The following WASHC5 variants were observed in gnomAD, a reference collection of about 807,000 sequenced individuals.
The protein encoded by WASHC5 is WASH complex subunit strumpellin.
A neutral mutation model predicts 150.4 loss-of-function variants in WASHC5; 101 were observed. The ratio of observed to expected loss-of-function variants is 0.67; its 90% CI spans 0.57 to 0.79. The LOEUF is 0.79. Among genes scored for constraint, WASHC5 ranks in the 30% least tolerant of loss-of-function variants. WASHC5 has a pLI of 0.00. For synonymous variants in WASHC5, 467 were observed against 491.2 expected, an observed-to-expected ratio of 0.95 and a Z score of 0.65; for missense variants, 1,195 against 1,396.3, an observed-to-expected ratio of 0.86 and a Z score of 2.30.
At chr8:125,049,834 T>C (rs747681509) in intron 18 of WASHC5, among the ~76,000 whole-genome samples, 2 of 151,944 alleles carry the variant, frequency 1.3e-5, no homozygotes, top group Non-Finnish European at 2.9e-5. Context: ...GAGCAAGACT[T>C]TGTCTCAATC....
At chr8:125,061,379 T>A (rs571518213) in intron 11 of WASHC5, among the ~76,000 whole-genome samples, 185 bp from the exon 12 acceptor site, 1 of 152,312 alleles carries the variant, frequency 6.6e-6, no homozygotes, top group East Asian at 1.9e-4. Flanking sequence ...ACTTTCTACA[T>A]AAATAGCTTA....
At chr8:125,083,291 A>G (rs1208249853) in intron 2 of WASHC5, 33 bp from the exon 3 acceptor site, 1 of 1,601,984 alleles carries the variant, frequency 6.2e-7, no homozygotes, top group South Asian at 1.1e-5. Context: ...AAATGTCAAT[A>G]AAAGCATACT....
intron 3 of WASHC5, chr8:125,082,885 C>G: frequency 4.6e-6 from 2 of 436,126 alleles, no homozygotes; most frequent in Non-Finnish European, 8.1e-6. Flanking sequence ...AACTATATGA[C>G]TTAGTTAAAC....
intron 5 of WASHC5, among the ~76,000 whole-genome samples, chr8:125,080,471 T>C (rs918520460): frequency 1.3e-5 from 2 of 152,046 alleles, no homozygotes; most frequent in Non-Finnish European, 2.9e-5. Flanking sequence ...ACTAATTTGC[T>C]GCTGAGGACA....
chr8:125,067,763 A>G, intron 9 of WASHC5, 44 bp from the exon 10 acceptor site: 5 of 1,591,502 alleles, frequency 3.1e-6, no homozygotes, highest in Non-Finnish European at 4.3e-6. Context: ...ATGTGTAGAA[A>G]ATATCTATGA....
intron 5 of WASHC5, 143 bp downstream of exon 5, chr8:125,081,518 C>T (rs1040584810): frequency 4.2e-5 from 28 of 669,680 alleles, no homozygotes; most frequent in Admixed American, 1.0e-4. Context: ...GGATTACAGG[C>T]GTTAGCCACT....
At chr8:125,078,668 G>T in intron 6 of WASHC5, 70 bp downstream of exon 6, 1 of 1,238,078 alleles carries the variant, frequency 8.1e-7, no homozygotes, top group Non-Finnish European at 1.2e-6. Flanking sequence ...AAGGAAAGGA[G>T]TAATTAAAGA....
intron 25 of WASHC5, among the ~76,000 whole-genome samples, chr8:125,038,012 C>T (rs1815767593): frequency 1.3e-5 from 2 of 152,092 alleles, no homozygotes; most frequent in Admixed American, 6.5e-5. Flanking sequence ...TAGCTGGCCT[C>T]TCTGAGCCTC....
At chr8:125,026,671 A>T (rs1815386966) in intron 28 of WASHC5, among the ~76,000 whole-genome samples, 1 of 151,998 alleles carries the variant, frequency 6.6e-6, no homozygotes, top group African/African-American at 2.4e-5. Context: ...TTCTCTCTTA[A>T]TTTGAGATGC....
At chr8:125,036,227 A>G (rs1350116799) in intron 26 of WASHC5, among the ~76,000 whole-genome samples, 1 of 152,210 alleles carries the variant, frequency 6.6e-6, no homozygotes, top group African/African-American at 2.4e-5. Flanking sequence ...CATCCTGTTG[A>G]AAGAACAGAA....
Position 125,061,071 on chromosome 8 carries a change from C to T in WASHC5, c.1521+11G>A, listed in dbSNP as rs1563623945. The T allele has an allele frequency of 4.0e-6, 6 of 1,499,734 alleles. No individual in the cohort carries two copies. Among genetic ancestry groups the T allele is most frequent in the East Asian group, 2.3e-5 (1 of 44,266 alleles). The allele number at this position is 1,499,734 out of a possible 1,614,324, so 92.9% of individuals were successfully genotyped here. A position where few individuals can be genotyped will look rare whatever the true frequency, so the allele number is the denominator to read the frequency against. On this transcript the variant is annotated intron_variant, in intron 12 of 28. Coordinates refer to ENST00000318410, the MANE Select transcript of WASHC5 (RefSeq NM_014846.4). ...GATCCAAGAACCTGCATTTAAAAAG[C>T]GTTTCCTTACCTCTTCCAAAGCTTG...
At chr8:125,032,875 A>G (rs1394590502) in intron 26 of WASHC5, among the ~76,000 whole-genome samples, 1 of 151,570 alleles carries the variant, frequency 6.6e-6, no homozygotes, top group African/African-American at 2.4e-5. Context: ...AGAGTGGAAG[A>G]AGGATATTTA....
intron 17 of WASHC5, among the ~76,000 whole-genome samples, chr8:125,055,068 C>T (rs79254923): frequency 0.029 from 4,410 of 152,086 alleles, 128 homozygotes; most frequent in South Asian, 0.16. Context: ...AAAGAAATTC[C>T]CACTACCTTC....
At chr8:125,034,504 G>GA (rs1163509166) in intron 26 of WASHC5, among the ~76,000 whole-genome samples, 106 of 146,078 alleles carry the variant, frequency 7.3e-4, no homozygotes, top group African/African-American at 2.0e-3. Context: ...CTCTGTTTCA[G>GA]AAAAAAAAAA....
At chr8:125,080,969 T>C (rs1034785681) in intron 5 of WASHC5, among the ~76,000 whole-genome samples, 1 of 152,168 alleles carries the variant, frequency 6.6e-6, no homozygotes, top group African/African-American at 2.4e-5. Context: ...AGGAGTAATA[T>C]TTGAAAACTT....
intron 9 of WASHC5, among the ~76,000 whole-genome samples, chr8:125,071,481 A>T (rs761798959): frequency 6.6e-6 from 1 of 152,282 alleles, no homozygotes; most frequent in South Asian, 2.1e-4. Context: ...CAGTGGGCCC[A>T]TATGTTTTTC....
chr8:125,079,135 T>TATATATACATATAC (rs35442808), intron 5 of WASHC5, among the ~76,000 whole-genome samples: 1 of 117,492 alleles, frequency 8.5e-6, no homozygotes, highest in African/African-American at 3.8e-5. Flanking sequence ...TATATATATA[T>TATATATACATATAC]ATATACATTT....
rs1320625975 is a variant in WASHC5 at position 125,025,829 on chromosome 8, G to GACACACACACACACACACAC, written c.3424-1157_3424-1156insGTGTGTGTGTGTGTGTGTGT. On this transcript the variant is annotated intron_variant, in intron 28 of 28. Transcript: ENST00000318410. ...TTTTTCCAGTTTACTTACATATGCAGACAGACACACACACACACACACACA... is the reference window on the plus strand; with the variant it reads ...TTTTTCCAGTTTACTTACATATGCAGACACACACACACACACACACACAGACACACACACACACACACACA... Among the ~76,000 whole-genome samples, 569 of 116,686 alleles carry GACACACACACACACACACAC rather than the reference G, an allele frequency of 4.9e-3. 4 individuals carry two copies. The highest frequency in any genetic ancestry group is 0.026 in the African/African-American group (540 of 21,150). The allele number at this position is 116,686 out of a possible 152,430, so 76.6% of individuals were successfully genotyped here.
chr8:125,082,923 C>T, intron 3 of WASHC5, 190 bp downstream of exon 3: 1 of 515,952 alleles, frequency 1.9e-6, no homozygotes, highest in South Asian at 2.7e-5. Context: ...CTCATAAGAG[C>T]AGGACATTAT....
Sources: allele counts gnomAD v4.1 joint callset (sites outside exome capture counted in the v4.1 genomes callset), GRCh38; gene constraint gnomAD v4.1.1; transcripts MANE v1.5; gene names NCBI Gene and HGNC (gene_info 2026-07-23, HGNC 2026-07-21).